COL16A1: variants seen among roughly 807,000 people sequenced by gnomAD.
The protein encoded by COL16A1 is collagen type XVI alpha 1 chain, also known as collagen alpha-1(XVI) chain.
COL16A1 carries 189 observed loss-of-function variants against 266.3 expected under a neutral mutation model. The ratio of observed to expected loss-of-function variants is 0.71; its 90% CI spans 0.63 to 0.80. The LOEUF (loss-of-function observed/expected upper bound fraction) is 0.80. COL16A1 is among the 30% of genes least tolerant of loss of function. COL16A1 has a pLI of 0.00. For synonymous variants in COL16A1, 740 were observed against 782.3 expected (o/e 0.95, Z 0.90); for missense variants, 1,928 against 2,122.4 (o/e 0.91, Z 1.80).
At chr1:31,676,230 C>T (rs1265147659) in intron 42 of COL16A1, among the ~76,000 whole-genome samples, 2 of 149,590 alleles carry the variant, frequency 1.3e-5, no homozygotes, top group Non-Finnish European at 3.0e-5. Flanking sequence ...GAGGCTGAGA[C>T]AGGAGAATCA....
At chr1:31,687,921 T>A (rs1197898992) in intron 26 of COL16A1, among the ~76,000 whole-genome samples, 1 of 152,202 alleles carries the variant, frequency 6.6e-6, no homozygotes, top group Non-Finnish European at 1.5e-5. Flanking sequence ...TCCAATGCAA[T>A]CATAAATAGA....
chr1:31,693,993 G>A (rs1007411433), intron 12 of COL16A1, 151 bp downstream of exon 12: 1 of 676,404 alleles, frequency 1.5e-6, no homozygotes, highest in African/African-American at 1.9e-5. Flanking sequence ...ACAAACCCCT[G>A]CTTTCTTTAC....
chr1:31,682,662 G>T (rs1643729658), intron 37 of COL16A1, among the ~76,000 whole-genome samples: 1 of 152,230 alleles, frequency 6.6e-6, no homozygotes, highest in Non-Finnish European at 1.5e-5. Context: ...CCCTTACAGG[G>T]CTGATGTGAG....
intron 12 of COL16A1, chr1:31,693,369 A>G: frequency 1.7e-6 from 1 of 584,224 alleles, no homozygotes; most frequent in Non-Finnish European, 3.1e-6. Flanking sequence ...CCACCCCAAG[A>G]TGCTATATTT....
Position 31,688,619 on chromosome 1 carries a change from G to A in COL16A1, c.1768-117C>T. 1 of 1,400,160 alleles carries A rather than the reference G, an allele frequency of 7.1e-7. No homozygotes were observed. The highest frequency in any genetic ancestry group is 1.0e-6 in the Non-Finnish European group (1 of 988,134). 86.7% of individuals were successfully genotyped at this position (1,400,160 alleles called of 1,614,324 possible). A position where few individuals can be genotyped will look rare whatever the true frequency, so the allele number is the denominator to read the frequency against. On this transcript the variant is annotated intron_variant, in intron 25 of 70. Coordinates refer to ENST00000373672, the MANE Select transcript of COL16A1 (RefSeq NM_001856.4). The surrounding 1 kb of genome is among the most constrained non-coding windows in gnomAD (Gnocchi z 4.9). ...GTAAGATAGGAATTATGTCCTTCAG[G>A]TAGCTGGACAGTTTCTTCAGTTAGA...
rs747633420 is a variant in COL16A1, at chr1:31,670,588, C to T, written c.3195+14G>A. 19 of 1,392,530 alleles carry T rather than the reference C, an allele frequency of 1.4e-5. No homozygotes were observed. Among genetic ancestry groups the T allele is most frequent in the African/African-American group, 1.1e-4 (7 of 65,276 alleles). 86.3% of individuals were successfully genotyped at this position (1,392,530 alleles called of 1,614,324 possible). A position where few individuals can be genotyped will look rare whatever the true frequency, so the allele number is the denominator to read the frequency against. ...ACGGGGGGGAGGGGAGGTCGAGCAGCGCTAGGTTCTTACAGGCAATCCGGG... is the reference window on the plus strand; with the variant it reads ...ACGGGGGGGAGGGGAGGTCGAGCAGTGCTAGGTTCTTACAGGCAATCCGGG... On this transcript the variant is annotated intron_variant, in intron 49 of 70. Transcript: ENST00000373672. This position sits in a 1 kb window ranked among gnomAD's most constrained non-coding sequence, Gnocchi z 4.5.
chr1:31,668,990 C>T lies in COL16A1; in HGVS notation c.3196-135G>A. 4.1e-6 allele frequency: 3 copies of T among 740,562 alleles called. No homozygotes were observed. Among genetic ancestry groups the T allele is most frequent in the South Asian group, 3.6e-5 (2 of 55,098 alleles). The allele number at this position is 740,562 out of a possible 1,614,324, so 45.9% of individuals were successfully genotyped here. A position where few individuals can be genotyped will look rare whatever the true frequency, so the allele number is the denominator to read the frequency against. ...GGCCATAGTGGCTCTCGTAGTGTCC[C>T]TAGAAGGTGACCCGTAATGGGTGTG... On this transcript the variant is annotated intron_variant, in intron 49 of 70. Transcript: ENST00000373672. The surrounding 1 kb of genome is among the most constrained non-coding windows in gnomAD (Gnocchi z 5.8).
At chr1:31,701,490 C>T (rs964612670) in intron 2 of COL16A1, 75 of 985,312 alleles carry the variant, frequency 7.6e-5, no homozygotes, top group Non-Finnish European at 8.8e-5. Context: ...AGCAGCTGAG[C>T]TACTGAGCCC....
At chr1:31,684,260 C>G in intron 31 of COL16A1, 29 bp from the exon 32 acceptor site, 1 of 1,457,686 alleles carries the variant, frequency 6.9e-7, no homozygotes, top group South Asian at 1.5e-5. Flanking sequence ...AGCCAGGAGC[C>G]CATGAGCCGG....
chr1:31,683,951 T>G lies in COL16A1; in HGVS notation c.2336A>C (p.Gln779Pro). 3 of 1,614,042 alleles carry G rather than the reference T, an allele frequency of 1.9e-6. No individual in the cohort carries two copies. The East Asian group carries it at 6.7e-5, about 36-fold the overall frequency. Residue 779 changes from glutamine (Q) to proline (P), a missense_variant and splice_region_variant, in exon 33 of 71, where the codon CAG becomes CCG. Physicochemically the swap from Gln to Pro is moderately conservative, Grantham distance 76. Around this residue, in one of 2 missense-constraint regions of COL16A1, gnomAD observed 1,552 missense variants for 1,637.2 expected, o/e 0.95. Transcript: ENST00000373672. ...VQGPPGLKGV[Q>P]GEPGPPGRGV... ...CAGGGCCCCAAGACTCACACATACC[T>G]GCACGCCCTTCAGTCCTGGGGGCCC... is the stretch of plus-strand genomic sequence containing the variant.
At chr1:31,687,197 C>T (rs1644020749) in intron 26 of COL16A1, among the ~76,000 whole-genome samples, 1 of 152,056 alleles carries the variant, frequency 6.6e-6, no homozygotes, top group Non-Finnish European at 1.5e-5. Context: ...GCCTGGCCAA[C>T]ATGGCAAAAC....
rs889145298 is a variant in COL16A1, at chr1:31,664,292, A to C, written c.3555+880T>G. ...CGGGTCCTCCTGGAGCTGGGAAGGA[A>C]GTCTCAGCTCTGCTGCTAACACCAC... On this transcript the variant is annotated intron_variant, in intron 56 of 70. Transcript: ENST00000373672. This position sits in a 1 kb window ranked among gnomAD's most constrained non-coding sequence, Gnocchi z 5.5. Among the ~76,000 whole-genome samples the C allele has an allele frequency of 2.6e-5, 4 of 152,178 alleles. No homozygotes were observed. Among genetic ancestry groups the C allele is most frequent in the African/African-American group, 9.6e-5 (4 of 41,454 alleles).
chr1:31,665,104 G>T, intron 56 of COL16A1, 68 bp downstream of exon 56: 1 of 1,573,956 alleles, frequency 6.4e-7, no homozygotes, highest in Admixed American at 2.1e-5. Context: ...TGATGCTAGG[G>T]GTGGGACAGG....
Position 31,688,763 on chromosome 1 carries a change from A to G in COL16A1, c.1767+98T>C. Reference sequence around the variant, plus strand: ...CACCTGCCTCTTCCCCTCCCTCCTGATCCCTGCCCTGAGACTTGGGATCTG... The same window carrying G: ...CACCTGCCTCTTCCCCTCCCTCCTGGTCCCTGCCCTGAGACTTGGGATCTG... On this transcript the variant is annotated intron_variant, in intron 25 of 70. Transcript: ENST00000373672. The surrounding 1 kb of genome is among the most constrained non-coding windows in gnomAD (Gnocchi z 4.9). 7.5e-7 allele frequency: 1 copy of G among 1,329,846 alleles called. No individual in the cohort carries two copies. Among genetic ancestry groups the G allele is most frequent in the Non-Finnish European group, 1.0e-6 (1 of 953,880 alleles). 82.4% of individuals were successfully genotyped at this position (1,329,846 alleles called of 1,614,324 possible).
At chr1:31,683,390 AC>A (rs746479553) in intron 34 of COL16A1, 21 bp from the exon 35 acceptor site, 1 of 1,613,522 alleles carries the variant, frequency 6.2e-7, no homozygotes, top group Admixed American at 1.7e-5. Context: ...GAAAGGGCAG[AC>A]TAGGGCACAG....
chr1:31,696,583 G>C (rs1644512137), intron 8 of COL16A1, among the ~76,000 whole-genome samples: 3 of 152,230 alleles, frequency 2.0e-5, no homozygotes, highest in South Asian at 4.1e-4. Context: ...AGCCATCCCT[G>C]GGGGGAAGCA....
intron 43 of COL16A1, 57 bp from the exon 44 acceptor site, chr1:31,675,096 A>G (rs2148725656): frequency 8.1e-6 from 13 of 1,612,154 alleles, no homozygotes; most frequent in Middle Eastern, 1.7e-4. Context: ...ATGGAGACTT[A>G]TGGGATCAGG....
At chr1:31,662,529 A>G in intron 57 of COL16A1, 58 bp downstream of exon 57, 2 of 1,547,844 alleles carry the variant, frequency 1.3e-6, no homozygotes, top group South Asian at 1.2e-5. Flanking sequence ...ACACACATGC[A>G]CCACACACAT....
In COL16A1 at chr1:31,653,692, T is replaced by C. The variant is rs372556366; in HGVS notation, c.4535-16A>G. On this transcript the variant is annotated splice_polypyrimidine_tract_variant and intron_variant, in intron 69 of 70. Coordinates refer to ENST00000373672, the MANE Select transcript of COL16A1 (RefSeq NM_001856.4). ...CCAGGCAATCCTGGAACAAAAGAAATAAATAAGTCCTATCCCTGAGCAGAA... is the reference window on the plus strand; with the variant it reads ...CCAGGCAATCCTGGAACAAAAGAAACAAATAAGTCCTATCCCTGAGCAGAA... The C allele has an allele frequency of 2.7e-5, 43 of 1,610,434 alleles. No homozygotes were observed. Among genetic ancestry groups the C allele is most frequent in the Non-Finnish European group, 3.6e-5 (42 of 1,178,316 alleles).
Sources: gnomAD v4.1 joint callset for allele counts (sites outside exome capture counted in the v4.1 genomes callset) on GRCh38, gnomAD v4.1.1 for gene constraint, gnomAD v4.1.1 regional missense constraint, Gnocchi (gnomAD v3.1) non-coding constraint, MANE v1.5 for transcripts, NCBI Gene and HGNC (gene_info 2026-07-23, HGNC 2026-07-21) for gene names.